The following FAF2 variants were observed in gnomAD, a reference collection of about 807,000 sequenced individuals.
FAF2 encodes FAS-associated factor 2.
A neutral mutation model predicts 62.3 loss-of-function variants in FAF2; 9 were observed. The observed-to-expected ratio is 0.14, with a 90% confidence interval of 0.09 to 0.25. The LOEUF (loss-of-function observed/expected upper bound fraction) is 0.25, where lower values mean the gene tolerates loss of function less well. Ranked by LOEUF, FAF2 falls within the 10% of genes least tolerant of loss-of-function variation. FAF2 has a pLI of 1.00. For missense variants in FAF2, 368 were observed against 556.2 expected (o/e 0.66, Z 3.40); for synonymous variants, 202 against 198.0 (o/e 1.02, Z -0.17).
intron 1 of FAF2, among the ~76,000 whole-genome samples, chr5:176,467,129 C>CTT (rs374702773): frequency 4.6e-4 from 43 of 94,018 alleles, no homozygotes; most frequent in Non-Finnish European, 6.2e-4. Flanking sequence ...TTTTTTTTTC[C>CTT]TTTTTTTTTT....
intron 4 of FAF2, 80 bp downstream of exon 4, chr5:176,489,107 C>G: frequency 9.6e-7 from 1 of 1,040,078 alleles, no homozygotes; most frequent in Non-Finnish European, 1.5e-6. Context: ...GCTTTATGCT[C>G]TATCAATGTT....
chr5:176,504,108 A>T (rs1219648034), intron 10 of FAF2, among the ~76,000 whole-genome samples: 1 of 151,856 alleles, frequency 6.6e-6, no homozygotes, highest in Non-Finnish European at 1.5e-5. Flanking sequence ...CTCCATCTCA[A>T]AAAAAAAGAA....
At chr5:176,487,056 C>T (rs761280852) in intron 3 of FAF2, among the ~76,000 whole-genome samples, 2 of 152,138 alleles carry the variant, frequency 1.3e-5, no homozygotes, top group Non-Finnish European at 2.9e-5. Flanking sequence ...TTTTCTTACC[C>T]CTGGGGTTAT....
chr5:176,493,775 T>C (rs1201349541), intron 5 of FAF2, among the ~76,000 whole-genome samples: 1 of 152,234 alleles, frequency 6.6e-6, no homozygotes, highest in Non-Finnish European at 1.5e-5. Context: ...CTAACAACAC[T>C]AAAACCTTTT....
At chr5:176,458,938 T>C (rs2113717754) in intron 1 of FAF2, among the ~76,000 whole-genome samples, 1 of 152,316 alleles carries the variant, frequency 6.6e-6, no homozygotes, top group East Asian at 1.9e-4. Context: ...AGAACCTTGA[T>C]TTCTTTCTTG....
chr5:176,455,877 C>T (rs1376319345), intron 1 of FAF2, among the ~76,000 whole-genome samples: 1 of 151,942 alleles, frequency 6.6e-6, no homozygotes, highest in Non-Finnish European at 1.5e-5. Flanking sequence ...GAAATATTTA[C>T]ATAAATATTC....
intron 8 of FAF2, among the ~76,000 whole-genome samples, chr5:176,497,727 A>G (rs1478937088): frequency 6.6e-6 from 1 of 152,186 alleles, no homozygotes; most frequent in Non-Finnish European, 1.5e-5. Context: ...TCTGGGTGAG[A>G]CAATCAATAT....
At chr5:176,458,736 T>C (rs1331507798) in intron 1 of FAF2, among the ~76,000 whole-genome samples, 2 of 152,112 alleles carry the variant, frequency 1.3e-5, no homozygotes, top group East Asian at 3.9e-4. Context: ...ATAATTGGAG[T>C]GGTATTGATT....
intron 1 of FAF2, among the ~76,000 whole-genome samples, chr5:176,455,653 G>C (rs1453413095): frequency 6.6e-6 from 1 of 151,890 alleles, no homozygotes; most frequent in Admixed American, 6.6e-5. Flanking sequence ...GGAGGCTGAG[G>C]CAGGAGAATT....
At chr5:176,476,401 C>T (rs1758690879) in intron 1 of FAF2, among the ~76,000 whole-genome samples, 1 of 152,144 alleles carries the variant, frequency 6.6e-6, no homozygotes, top group Admixed American at 6.6e-5. Context: ...ACTGATTCTT[C>T]TACGATTTAA....
intron 1 of FAF2, among the ~76,000 whole-genome samples, chr5:176,475,144 T>C (rs1758666024): frequency 6.6e-6 from 1 of 152,052 alleles, no homozygotes; most frequent in Admixed American, 6.6e-5. Context: ...AAGGTTATTA[T>C]TATTATTATT....
At chr5:176,454,495 T>G (rs955822646) in intron 1 of FAF2, among the ~76,000 whole-genome samples, 6 of 148,144 alleles carry the variant, frequency 4.1e-5, no homozygotes, top group African/African-American at 1.5e-4. Flanking sequence ...TGGGAATCAC[T>G]TGAACTCAGG....
At chr5:176,458,366 G>C (rs1758313194) in intron 1 of FAF2, among the ~76,000 whole-genome samples, 1 of 149,136 alleles carries the variant, frequency 6.7e-6, no homozygotes, top group Non-Finnish European at 1.5e-5. Context: ...ACAGGCATGA[G>C]CCACCACGTC....
intron 10 of FAF2, 32 bp downstream of exon 10, chr5:176,500,178 G>T (rs1755569979): frequency 1.2e-6 from 2 of 1,608,408 alleles, no homozygotes; most frequent in Admixed American, 3.4e-5. Flanking sequence ...TGAAGTGTAT[G>T]TAGCATCTGG....
chr5:176,490,397 G>T lies in FAF2; in HGVS notation c.344+1370G>T, dbSNP rs180721178. The stretch of plus-strand genomic sequence containing the variant: ...CTTGGGTTATCTGGTCCAGAGCCAT[G>T]TCTAGGCTTTATGGGGAACTTAAAT... On this transcript the variant is annotated intron_variant, in intron 4 of 10. Transcript: ENST00000261942. Among the ~76,000 whole-genome samples, 151 of 152,222 alleles carry T rather than the reference G, an allele frequency of 9.9e-4. 2 individuals carry two copies. In the South Asian group the frequency reaches 0.017, roughly 18 times the overall value.
chr5:176,451,841 T>C lies in FAF2; in HGVS notation c.63+3371T>C, dbSNP rs13181279. On this transcript the variant is annotated intron_variant, in intron 1 of 10. Coordinates refer to ENST00000261942, the MANE Select transcript of FAF2 (RefSeq NM_014613.3). ...ATATATATATATACATATATATATA[T>C]ACACACATATATATACACATATATA... 7.5e-3 allele frequency among the ~76,000 whole-genome samples: 201 copies of C among 26,828 alleles called. 23 individuals are homozygous for C. Among genetic ancestry groups the C allele is most frequent in the African/African-American group, 0.026 (170 of 6,568 alleles). The allele number at this position is 26,828 out of a possible 152,430, so 17.6% of individuals were successfully genotyped here.
At position 176,499,047 on chromosome 5, in the gene FAF2, G is replaced by T. The variant is rs1314365442; in HGVS notation, c.973G>T (p.Val325Leu). The T allele has an allele frequency of 3.1e-6, 5 of 1,608,146 alleles. No individual in the cohort carries two copies. In the South Asian group the frequency reaches 3.3e-5, roughly 11 times the overall value. The stretch of plus-strand genomic sequence containing the variant: ...GCGTAAGCGGCGGAAGGAGGAGGAG[G>T]TGCAACAGCAAAAGTTGGCAGAGGA... ...RERKRRKEEE[V>L]QQQKLAEERR... Residue 325 changes from valine to leucine, a missense_variant, in exon 9 of 11, where the codon GTG becomes TTG. Physicochemically the swap from Val to Leu is conservative, Grantham distance 32 (BLOSUM62 1). Transcript: ENST00000261942.
chr5:176,471,969 C>G (rs921358250), intron 1 of FAF2, among the ~76,000 whole-genome samples: 1 of 151,980 alleles, frequency 6.6e-6, no homozygotes, highest in Non-Finnish European at 1.5e-5. Context: ...TGTGAGCCAC[C>G]ATGCCCAGCC....
chr5:176,452,908 C>G (rs533032201), intron 1 of FAF2, among the ~76,000 whole-genome samples: 4 of 152,166 alleles, frequency 2.6e-5, no homozygotes, highest in Non-Finnish European at 5.9e-5. Flanking sequence ...CAGTACAGAA[C>G]AGGATGACAC....
Sources: allele counts gnomAD v4.1 joint callset (sites outside exome capture counted in the v4.1 genomes callset), GRCh38; gene constraint gnomAD v4.1.1; transcripts MANE v1.5; gene names NCBI Gene and HGNC (gene_info 2026-07-23, HGNC 2026-07-21).